Variants in EPHB1 observed in about 807,000 individuals in gnomAD.
EPHB1 encodes the protein ephrin type-B receptor 1.
In EPHB1, 30 loss-of-function variants were observed where a neutral mutation model predicts 94.4. The ratio of observed to expected loss-of-function variants is 0.32; its 90% CI spans 0.24 to 0.43. The LOEUF (loss-of-function observed/expected upper bound fraction) is 0.43, where lower values mean the gene tolerates loss of function less well. EPHB1 is among the 20% of genes least tolerant of loss of function. EPHB1 has a pLI of 1.00. For synonymous variants in EPHB1, 522 were observed against 489.1 expected (o/e 1.07, Z -0.89); for missense variants, 1,055 against 1,308.3 (o/e 0.81, Z 2.99).
intron 4 of EPHB1, among the ~76,000 whole-genome samples, chr3:135,113,118 A>G (rs566825874): frequency 3.3e-5 from 5 of 152,222 alleles, no homozygotes; most frequent in Non-Finnish European, 7.3e-5. Flanking sequence ...AAAGATCAAT[A>G]AGAGTCAGAG....
chr3:135,248,496 A>G lies in EPHB1; in HGVS notation c.2677A>G (p.Thr893Ala). Reference sequence around the variant, plus strand: ...CCCGGCAAGTCTCAAGACTGTGGCAACCATCACCGCCGTGTGAGTCTAGTG... The same window carrying G: ...CCCGGCAAGTCTCAAGACTGTGGCAGCCATCACCGCCGTGTGAGTCTAGTG... ...RNPASLKTVA[T>A]ITAVPSQPLL... The change falls in exon 14 of 16, where the codon ACC becomes GCC. Residue 893 changes from threonine (T) to alanine (A), a missense_variant. Physicochemically the swap from Thr to Ala is moderately conservative, Grantham distance 58. Coordinates refer to ENST00000398015, the MANE Select transcript of EPHB1 (RefSeq NM_004441.5). The G allele has an allele frequency of 6.2e-7, 1 of 1,604,922 alleles. No homozygotes were observed. The highest frequency in any genetic ancestry group is 2.2e-5 in the East Asian group (1 of 44,546).
chr3:134,901,329 C>G (rs1040981078), intron 1 of EPHB1, among the ~76,000 whole-genome samples: 1 of 152,216 alleles, frequency 6.6e-6, no homozygotes, highest in Non-Finnish European at 1.5e-5. Flanking sequence ...TCTTAAAAGA[C>G]TCCTTAGGCT....
intron 1 of EPHB1, among the ~76,000 whole-genome samples, chr3:134,799,054 G>A (rs911567389): frequency 6.6e-6 from 1 of 152,210 alleles, no homozygotes; most frequent in Non-Finnish European, 1.5e-5. Context: ...ATTTCTCAAG[G>A]GTTGACAAGT....
chr3:134,816,283 G>A (rs530063449), intron 1 of EPHB1, among the ~76,000 whole-genome samples: 4 of 151,708 alleles, frequency 2.6e-5, no homozygotes, highest in African/African-American at 9.7e-5. Context: ...TAGTAGAGAC[G>A]GGGTTTCACC....
intron 3 of EPHB1, among the ~76,000 whole-genome samples, chr3:134,983,618 G>A (rs1934492891): frequency 6.6e-6 from 1 of 152,250 alleles, no homozygotes; most frequent in South Asian, 2.1e-4. Flanking sequence ...GGAGTCAGAA[G>A]CTTAGCTATG....
rs939642480 is a variant in EPHB1, at chr3:135,207,577, C to T, written c.2346+5888C>T. Among the ~76,000 whole-genome samples, 5 of 152,078 alleles carry T rather than the reference C, an allele frequency of 3.3e-5. No homozygotes were observed. The East Asian group carries it at 5.8e-4, about 18-fold the overall frequency. On this transcript the variant is annotated intron_variant, in intron 12 of 15. Transcript: ENST00000398015. ...CTGAAATAAGGGCCGCTATGTTTTG[C>T]GAGAGCATGCATAAAACAATAAATA...
intron 3 of EPHB1, among the ~76,000 whole-genome samples, chr3:135,005,346 C>A (rs1935358533): frequency 6.6e-6 from 1 of 152,220 alleles, no homozygotes. Flanking sequence ...CTGGGAGAAC[C>A]ACTGCTCTCT....
intron 1 of EPHB1, among the ~76,000 whole-genome samples, chr3:134,827,801 CAGTT>C (rs2036511354): frequency 6.6e-6 from 1 of 152,102 alleles, no homozygotes; most frequent in African/African-American, 2.4e-5. Context: ...AGTACACAGA[CAGTT>C]AGGAAAAATA....
intron 9 of EPHB1, among the ~76,000 whole-genome samples, chr3:135,176,088 T>G (rs1049706745): frequency 1.3e-5 from 2 of 152,142 alleles, no homozygotes; most frequent in Admixed American, 1.3e-4. Flanking sequence ...CTAGCTATAC[T>G]GCAGGAGGGA....
chr3:134,818,298 C>T (rs1167000830), intron 1 of EPHB1, among the ~76,000 whole-genome samples: 2 of 152,160 alleles, frequency 1.3e-5, no homozygotes, highest in Non-Finnish European at 2.9e-5. Flanking sequence ...GGCTGACAGG[C>T]AGGCAGCCTC....
chr3:135,012,128 A>G (rs1559794398), intron 3 of EPHB1, among the ~76,000 whole-genome samples: 1 of 152,232 alleles, frequency 6.6e-6, no homozygotes, highest in South Asian at 2.1e-4. Flanking sequence ...GAAGGAATCA[A>G]TAATCTCTGA....
intron 1 of EPHB1, among the ~76,000 whole-genome samples, chr3:134,911,680 A>T (rs1223604967): frequency 6.6e-6 from 1 of 152,210 alleles, no homozygotes; most frequent in East Asian, 1.9e-4. Flanking sequence ...AGAATGGCGA[A>T]TACTTGGAAG....
intron 12 of EPHB1, among the ~76,000 whole-genome samples, chr3:135,223,138 T>C (rs1269444953): frequency 6.6e-6 from 1 of 152,202 alleles, no homozygotes; most frequent in African/African-American, 2.4e-5. Flanking sequence ...ACATCAAAAT[T>C]AAGACACATT....
Position 134,958,415 on chromosome 3 carries a change from T to A in EPHB1, c.805+6363T>A, listed in dbSNP as rs67232658. Reference sequence around the variant, plus strand: ...AGAGAAGGTGAGGAACACAAGGGAGTGTGTGTGTGTGTGTGTGTGTGTGTG... The same window carrying A: ...AGAGAAGGTGAGGAACACAAGGGAGAGTGTGTGTGTGTGTGTGTGTGTGTG... On this transcript the variant is annotated intron_variant, in intron 3 of 15. Transcript: ENST00000398015. 3.0e-3 allele frequency among the ~76,000 whole-genome samples: 125 copies of A among 41,386 alleles called. 1 individual carries two copies. Among genetic ancestry groups the A allele is most frequent in the Middle Eastern group, 0.021 (1 of 48 alleles). The allele number at this position is 41,386 out of a possible 152,430, so 27.2% of individuals were successfully genotyped here. A position where few individuals can be genotyped will look rare whatever the true frequency, so the allele number is the denominator to read the frequency against.
intron 3 of EPHB1, 146 bp from the exon 4 acceptor site, chr3:135,106,302 G>A: frequency 1.2e-6 from 1 of 829,152 alleles, no homozygotes; most frequent in East Asian, 2.7e-5. Flanking sequence ...TTAAATATGG[G>A]TTTCCTCAAC....
At chr3:135,038,881 T>A (rs1435801938) in intron 3 of EPHB1, among the ~76,000 whole-genome samples, 2 of 152,216 alleles carry the variant, frequency 1.3e-5, no homozygotes, top group Non-Finnish European at 2.9e-5. Flanking sequence ...AGCAGCCTGC[T>A]TTTATTCTCT....
intron 11 of EPHB1, among the ~76,000 whole-genome samples, chr3:135,193,994 G>C (rs1942531536): frequency 6.6e-6 from 1 of 152,184 alleles, no homozygotes; most frequent in African/African-American, 2.4e-5. Flanking sequence ...ATATTAGGTG[G>C]TCAGTGCCAT....
At chr3:134,980,805 T>G (rs540590555) in intron 3 of EPHB1, among the ~76,000 whole-genome samples, 1 of 152,212 alleles carries the variant, frequency 6.6e-6, no homozygotes, top group Admixed American at 6.5e-5. Flanking sequence ...TTAAGTATTA[T>G]ATGGCTTGAG....
chr3:135,228,572 TTTAAAAAACAAAGCA>T (rs1196929145), intron 12 of EPHB1, among the ~76,000 whole-genome samples: 1 of 152,228 alleles, frequency 6.6e-6, no homozygotes, highest in Non-Finnish European at 1.5e-5. Flanking sequence ...TCATGCTTTA[TTTAAAAAACAAAGCA>T]TCAATGTTTT....
Sources: allele counts gnomAD v4.1 joint callset (sites outside exome capture counted in the v4.1 genomes callset), GRCh38; gene constraint gnomAD v4.1.1; transcripts MANE v1.5; gene names NCBI Gene and HGNC (gene_info 2026-07-23, HGNC 2026-07-21).